LARGE1: variants seen among roughly 807,000 people sequenced by gnomAD.
The protein encoded by LARGE1 is xylosyl- and glucuronyltransferase LARGE1.
LARGE1 carries 43 observed loss-of-function variants against 87.6 expected under a neutral mutation model. The ratio of observed to expected loss-of-function variants is 0.49; its 90% CI spans 0.38 to 0.63. The LOEUF is 0.63. LARGE1 is among the 30% of genes least tolerant of loss of function. The probability of loss-of-function intolerance (pLI) is 0.00; values close to 1 mark genes in which losing one functional copy is unlikely to be tolerated. For missense variants in LARGE1, 802 were observed against 1,000.2 expected (o/e 0.80, Z 2.67); for synonymous variants, 434 against 394.6 (o/e 1.10, Z -1.18).
chr22:33,413,557 C>T (rs1009694211), intron 7 of LARGE1, among the ~76,000 whole-genome samples: 4 of 151,930 alleles, frequency 2.6e-5, no homozygotes, highest in Admixed American at 2.6e-4. Context: ...CTCTGCCTGC[C>T]CAATTCAAGC....
At chr22:33,410,846 T>C (rs1453247801) in intron 7 of LARGE1, among the ~76,000 whole-genome samples, 1 of 152,172 alleles carries the variant, frequency 6.6e-6, no homozygotes, top group African/African-American at 2.4e-5. Flanking sequence ...CAGCTTCCTC[T>C]GTAGAATGGG....
intron 11 of LARGE1, among the ~76,000 whole-genome samples, chr22:33,200,620 A>G (rs1924333840): frequency 6.6e-6 from 1 of 152,256 alleles, no homozygotes; most frequent in Admixed American, 6.5e-5. Context: ...ATGAATAAAC[A>G]AAGTGTAATA....
At chr22:33,733,847 C>G (rs1360898323) in intron 2 of LARGE1, among the ~76,000 whole-genome samples, 1 of 152,134 alleles carries the variant, frequency 6.6e-6, no homozygotes, top group Non-Finnish European at 1.5e-5. Context: ...TGGGGAGAAG[C>G]AGAAAGACCA....
intron 1 of LARGE1, among the ~76,000 whole-genome samples, chr22:33,802,794 G>C (rs1021428138): frequency 6.6e-6 from 1 of 152,152 alleles, no homozygotes; most frequent in East Asian, 1.9e-4. Flanking sequence ...AATACCACCA[G>C]GGTACGGATT....
the LARGE1 span, among the ~76,000 whole-genome samples, chr22:33,111,401 C>T: frequency 6.6e-6 from 1 of 152,168 alleles, no homozygotes; most frequent in African/African-American, 2.4e-5. Context: ...GTTAATAAAA[C>T]AGCTTCTATG....
chr22:33,097,373 C>T, the LARGE1 span, among the ~76,000 whole-genome samples: 128 of 152,300 alleles, frequency 8.4e-4, no homozygotes, highest in Admixed American at 7.5e-3. Flanking sequence ...CCCTTCTGTC[C>T]TCTGGAGTCC....
chr22:33,173,263 T>G (rs1422509274), intron 11 of LARGE1, among the ~76,000 whole-genome samples: 1 of 152,076 alleles, frequency 6.6e-6, no homozygotes, highest in Non-Finnish European at 1.5e-5. Context: ...GAAACTAAGC[T>G]TCATAAGCAA....
intron 6 of LARGE1, among the ~76,000 whole-genome samples, chr22:33,437,839 C>T (rs1385033567): frequency 6.6e-6 from 1 of 152,152 alleles, no homozygotes; most frequent in Non-Finnish European, 1.5e-5. Flanking sequence ...TTTGAAGCAG[C>T]ATGATATTAG....
chr22:33,137,713 C>G, the LARGE1 span, among the ~76,000 whole-genome samples: 3 of 152,084 alleles, frequency 2.0e-5, no homozygotes, highest in African/African-American at 7.2e-5. Context: ...GACTTGGTGC[C>G]CTGTGTCCCA....
intron 12 of LARGE1, among the ~76,000 whole-genome samples, chr22:33,289,027 C>T (rs566877382): frequency 3.7e-4 from 56 of 152,058 alleles, no homozygotes; most frequent in South Asian, 1.5e-3. Flanking sequence ...GGTGCGATCT[C>T]GGCTCACTGC....
chr22:33,763,138 A>C (rs1212850361), intron 1 of LARGE1, among the ~76,000 whole-genome samples: 1 of 152,194 alleles, frequency 6.6e-6, no homozygotes, highest in African/African-American at 2.4e-5. Context: ...GCATTCTTTA[A>C]AACTTAGCAT....
At chr22:33,120,177 T>C in the LARGE1 span, among the ~76,000 whole-genome samples, 2 of 152,112 alleles carry the variant, frequency 1.3e-5, no homozygotes, top group Non-Finnish European at 2.9e-5. Context: ...TAAGTCTATA[T>C]ATATGTATAT....
intron 11 of LARGE1, among the ~76,000 whole-genome samples, chr22:33,234,204 A>C (rs1926142748): frequency 6.6e-6 from 1 of 152,224 alleles, no homozygotes. Flanking sequence ...GCACAGTGAA[A>C]ATGCTTGCAG....
intron 9 of LARGE1, among the ~76,000 whole-genome samples, chr22:33,350,167 T>C (rs557163755): frequency 3.3e-4 from 51 of 152,344 alleles, no homozygotes; most frequent in African/African-American, 1.1e-3. Flanking sequence ...GTATTTTCTC[T>C]AATGTTCATC....
chr22:33,358,706 T>C (rs1304203035), intron 9 of LARGE1, among the ~76,000 whole-genome samples: 2 of 152,078 alleles, frequency 1.3e-5, no homozygotes, highest in Non-Finnish European at 2.9e-5. Flanking sequence ...TGTTTAAAAT[T>C]CAAATGTCCT....
chr22:33,913,901 A>G (rs1469819493), intron 1 of LARGE1, among the ~76,000 whole-genome samples: 1 of 152,162 alleles, frequency 6.6e-6, no homozygotes, highest in African/African-American at 2.4e-5. Flanking sequence ...GTCTATCATG[A>G]TTGTGTTCAT....
chr22:33,883,534 G>C (rs2064758028), intron 1 of LARGE1, among the ~76,000 whole-genome samples: 1 of 152,202 alleles, frequency 6.6e-6, no homozygotes, highest in Non-Finnish European at 1.5e-5. Context: ...ACATGAATCA[G>C]CTCATGCATC....
intron 3 of LARGE1, among the ~76,000 whole-genome samples, chr22:33,638,847 A>C (rs1709224226): frequency 6.6e-6 from 1 of 152,240 alleles, no homozygotes; most frequent in Admixed American, 6.5e-5. Flanking sequence ...TGAAGTTCAA[A>C]GCAAGGAGCA....
At chr22:33,812,476 C>G (rs1344522655) in intron 1 of LARGE1, among the ~76,000 whole-genome samples, 2 of 152,232 alleles carry the variant, frequency 1.3e-5, no homozygotes, top group Non-Finnish European at 2.9e-5. Context: ...TCATTCAGGT[C>G]TCCTAGGAAA....
Sources: gnomAD v4.1 joint callset for allele counts (sites outside exome capture counted in the v4.1 genomes callset) on GRCh38, gnomAD v4.1.1 for gene constraint, MANE v1.5 for transcripts, NCBI Gene and HGNC (gene_info 2026-07-23, HGNC 2026-07-21) for gene names.